SUMF1: variants seen among roughly 807,000 people sequenced by gnomAD.
SUMF1 encodes formylglycine-generating enzyme.
Under a neutral mutation model 47.6 loss-of-function variants are expected in SUMF1, and 48 were observed. That is an observed-to-expected ratio of 1.01 (90% CI 0.80 to 1.28). The LOEUF (loss-of-function observed/expected upper bound fraction) is 1.28, where lower values mean the gene tolerates loss of function less well. Among genes scored for constraint, SUMF1 ranks in the 50% most tolerant of loss-of-function variants. The probability of loss-of-function intolerance (pLI) is 0.00; values close to 1 mark genes in which losing one functional copy is unlikely to be tolerated. For missense variants in SUMF1, 571 were observed against 485.4 expected (o/e 1.18, Z -1.66); for synonymous variants, 230 against 192.1 (o/e 1.20, Z -1.63).
At chr3:4,359,694 T>C (rs1687870), downstream of SUMF1, among the ~76,000 whole-genome samples, 62,722 of 151,856 alleles carry the variant, frequency 0.41, 14,779 homozygotes, top group African/African-American at 0.63. Context: ...TCAGAACTAG[T>C]GAGAACTCAC....
At chr3:4,382,511 G>A (rs891624778) in intron 7 of SUMF1, among the ~76,000 whole-genome samples, 1 of 152,116 alleles carries the variant, frequency 6.6e-6, no homozygotes, top group Non-Finnish European at 1.5e-5. Flanking sequence ...ATCATTTGTG[G>A]TGATTCCTCA....
At chr3:4,134,949 A>C (rs181636038) in intron 8 of SUMF1, among the ~76,000 whole-genome samples, 1 of 152,290 alleles carries the variant, frequency 6.6e-6, no homozygotes, top group Non-Finnish European at 1.5e-5. Flanking sequence ...GAATAGACCA[A>C]TAACAGGCTC....
intron 8 of SUMF1, chr3:4,316,517 G>C (rs573262123): frequency 8.2e-6 from 13 of 1,588,666 alleles, no homozygotes; most frequent in Admixed American, 1.7e-5. Flanking sequence ...ACCATTCTAC[G>C]GTCGTTCGAC....
At chr3:4,177,349 A>G (rs900104260) in intron 8 of SUMF1, among the ~76,000 whole-genome samples, 1 of 152,216 alleles carries the variant, frequency 6.6e-6, no homozygotes, top group Non-Finnish European at 1.5e-5. Context: ...CTCTCAGACT[A>G]CAGTGCAATC....
chr3:4,355,263 G>A (rs1394332545), intron 8 of SUMF1, among the ~76,000 whole-genome samples: 1 of 151,094 alleles, frequency 6.6e-6, no homozygotes, highest in East Asian at 1.9e-4. Flanking sequence ...GGCTGAGGTG[G>A]GGGGGATCAC....
chr3:4,401,488 G>A (rs1378721299), intron 7 of SUMF1, among the ~76,000 whole-genome samples: 1 of 151,996 alleles, frequency 6.6e-6, no homozygotes, highest in Non-Finnish European at 1.5e-5. Context: ...CTCCATCACT[G>A]CCTACTTTCC....
chr3:4,138,858 C>G (rs1694007224), intron 8 of SUMF1, among the ~76,000 whole-genome samples: 1 of 152,012 alleles, frequency 6.6e-6, no homozygotes, highest in Non-Finnish European at 1.5e-5. Flanking sequence ...GTCATGGGAA[C>G]CCTCAAATTT....
chr3:4,246,864 C>A (rs1289771145), intron 8 of SUMF1, among the ~76,000 whole-genome samples: 1 of 152,130 alleles, frequency 6.6e-6, no homozygotes, highest in Non-Finnish European at 1.5e-5. Flanking sequence ...TGAGGAAATT[C>A]AGCGCTAATT....
At chr3:4,221,417 GT>G (rs1559582212) in intron 8 of SUMF1, among the ~76,000 whole-genome samples, 15 of 12,906 alleles carry the variant, frequency 1.2e-3, no homozygotes, top group East Asian at 5.3e-3. Flanking sequence ...TTTTTGGGGT[GT>G]GTGTGTGTGT....
intron 8 of SUMF1, among the ~76,000 whole-genome samples, chr3:4,368,490 T>C (rs932952684): frequency 3.3e-5 from 5 of 152,100 alleles, no homozygotes; most frequent in African/African-American, 9.7e-5. Flanking sequence ...TTACTGGGTA[T>C]ATACCCAAAG....
In SUMF1 at chr3:4,191,981, A is replaced by G. The variant is rs1349283855; in HGVS notation, c.1015-123236T>C. Among the ~76,000 whole-genome samples, 4 of 152,112 alleles carry G rather than the reference A, an allele frequency of 2.6e-5. No individual in the cohort carries two copies. The South Asian group carries it at 8.3e-4, about 31-fold the overall frequency. ...TAACTGACATCAGAGAAGGCTTCAG[A>G]GAGGAGGTGATGTTTAGCTTGTATA... On this transcript the variant is annotated intron_variant and NMD_transcript_variant, in intron 8 of 12. Coordinates refer to the SUMF1 transcript ENST00000448413.
rs146641413 is a variant in SUMF1 at position 4,225,833 on chromosome 3, A to G, written c.1014+150497T>C. Among the ~76,000 whole-genome samples, 1,002 of 152,288 alleles carry G rather than the reference A, an allele frequency of 6.6e-3. 5 individuals are homozygous for G. The highest frequency in any genetic ancestry group is 0.01 in the Non-Finnish European group (703 of 68,010). On this transcript the variant is annotated intron_variant and NMD_transcript_variant, in intron 8 of 12. Coordinates refer to the SUMF1 transcript ENST00000448413. ...TTCAGTTTATCCCACTTAGAAAAGTACATCAAAATGGTTGAATAACCCCAG... is the reference window on the plus strand; with the variant it reads ...TTCAGTTTATCCCACTTAGAAAAGTGCATCAAAATGGTTGAATAACCCCAG...
chr3:4,467,260 CA>C lies in SUMF1; in HGVS notation c.-16del. ...GGCGCAGCCATGTTGTCCCGCGGGCCATGTGACCCGGTTGGTCACGTGGCTG... is the reference window on the plus strand; with the variant it reads ...GGCGCAGCCATGTTGTCCCGCGGGCCTGTGACCCGGTTGGTCACGTGGCTG... On this transcript the variant is annotated 5_prime_UTR_variant, in exon 1 of 9. An upstream start codon of the reference 5' UTR is lost. Coordinates refer to ENST00000272902, the MANE Select transcript of SUMF1 (RefSeq NM_182760.4). 1 of 1,604,634 alleles carries C rather than the reference CA, an allele frequency of 6.2e-7. No homozygotes were observed. Among genetic ancestry groups the C allele is most frequent in the Non-Finnish European group, 8.5e-7 (1 of 1,176,192 alleles).
chr3:4,115,081 A>G (rs1693391447), intron 8 of SUMF1, among the ~76,000 whole-genome samples: 1 of 151,984 alleles, frequency 6.6e-6, no homozygotes, highest in Non-Finnish European at 1.5e-5. Context: ...TGTGCCTATG[A>G]AAACCCCAAG....
intron 8 of SUMF1, among the ~76,000 whole-genome samples, chr3:4,245,750 C>T (rs1274501323): frequency 5.3e-5 from 8 of 152,122 alleles, no homozygotes; most frequent in Admixed American, 2.0e-4. Flanking sequence ...AATGCCATGC[C>T]GGTAGAATGA....
At chr3:4,411,562 A>C (rs571053205) in intron 6 of SUMF1, among the ~76,000 whole-genome samples, 35 of 152,320 alleles carry the variant, frequency 2.3e-4, no homozygotes, top group African/African-American at 7.9e-4. Flanking sequence ...TCAGTCTCTG[A>C]AACCTGAGTC....
chr3:4,435,786 G>A (rs1045928251), intron 3 of SUMF1, among the ~76,000 whole-genome samples: 1 of 152,070 alleles, frequency 6.6e-6, no homozygotes, highest in African/African-American at 2.4e-5. Context: ...TTCCCTTCAG[G>A]AATGAAGGTG....
At chr3:4,208,343 G>A (rs896101532) in intron 8 of SUMF1, among the ~76,000 whole-genome samples, 5 of 151,838 alleles carry the variant, frequency 3.3e-5, no homozygotes, top group Non-Finnish European at 7.4e-5. Context: ...CCTACTCATA[G>A]GACTAATGTT....
chr3:4,068,906 T>G (rs1695447572), intron 8 of SUMF1, among the ~76,000 whole-genome samples: 2 of 152,206 alleles, frequency 1.3e-5, no homozygotes. Flanking sequence ...AATGATTAAG[T>G]GTCTTGCCCC....
Sources: allele counts gnomAD v4.1 joint callset (sites outside exome capture counted in the v4.1 genomes callset), GRCh38; gene constraint gnomAD v4.1.1; transcripts MANE v1.5; gene names NCBI Gene and HGNC (gene_info 2026-07-23, HGNC 2026-07-21).